Variants in GPC6 observed in about 807,000 individuals in gnomAD.
The protein encoded by GPC6 is glypican-6.
Under a neutral mutation model 55.2 loss-of-function variants are expected in GPC6, and 14 were observed. The observed-to-expected ratio is 0.25, with a 90% CI of 0.17 to 0.40. The LOEUF (loss-of-function observed/expected upper bound fraction) is 0.40, where lower values mean the gene tolerates loss of function less well. GPC6 is among the 10% of genes least tolerant of loss of function. The pLI, the probability that GPC6 is intolerant of heterozygous loss-of-function variation, is 1.00. For synonymous variants in GPC6, 278 were observed against 259.6 expected, an observed-to-expected ratio of 1.07 and a Z score of -0.68; for missense variants, 641 against 708.5, an observed-to-expected ratio of 0.90 and a Z score of 1.08.
At chr13:93,630,321 G>T (rs774051335) in intron 2 of GPC6, among the ~76,000 whole-genome samples, 2 of 152,164 alleles carry the variant, frequency 1.3e-5, no homozygotes, top group Non-Finnish European at 2.9e-5. Flanking sequence ...AGTGCTGCTC[G>T]CTAGTTCTAG....
chr13:93,809,972 C>T (rs547692377), intron 2 of GPC6, among the ~76,000 whole-genome samples: 45 of 152,152 alleles, frequency 3.0e-4, no homozygotes, highest in South Asian at 6.2e-4. Flanking sequence ...GGGAAGGACT[C>T]GGCATAGACA....
chr13:93,526,945 C>A (rs2139407589), intron 1 of GPC6, among the ~76,000 whole-genome samples: 1 of 152,096 alleles, frequency 6.6e-6, no homozygotes, highest in South Asian at 2.1e-4. Flanking sequence ...AGTCTAAGAA[C>A]TTTATCCCAA....
intron 1 of GPC6, among the ~76,000 whole-genome samples, chr13:93,315,759 A>AT (rs66531055): frequency 0.58 from 86,657 of 150,460 alleles, 25,188 homozygotes; most frequent in East Asian, 0.77. Flanking sequence ...GTTTTCTTCA[A>AT]TTTTTTTTTA....
intron 7 of GPC6, among the ~76,000 whole-genome samples, chr13:94,389,176 A>T (rs768577633): frequency 2.5e-4 from 38 of 152,196 alleles, no homozygotes; most frequent in Non-Finnish European, 3.7e-4. Flanking sequence ...TACAGAGGAA[A>T]ATCGATAATA....
intron 4 of GPC6, among the ~76,000 whole-genome samples, chr13:94,251,531 A>C (rs888927123): frequency 1.3e-5 from 2 of 152,012 alleles, no homozygotes; most frequent in Non-Finnish European, 2.9e-5. Flanking sequence ...AAGCCCCCAA[A>C]TCCCAGAACT....
intron 2 of GPC6, among the ~76,000 whole-genome samples, chr13:93,743,800 A>G (rs1401642840): frequency 2.0e-5 from 3 of 152,068 alleles, no homozygotes; most frequent in African/African-American, 7.2e-5. Flanking sequence ...TACTATTTTG[A>G]CCAATATTTA....
intron 2 of GPC6, among the ~76,000 whole-genome samples, chr13:93,806,304 T>C (rs976167335): frequency 6.6e-6 from 1 of 152,078 alleles, no homozygotes; most frequent in Non-Finnish European, 1.5e-5. Flanking sequence ...GGGGACAACG[T>C]ATAATTTTTT....
intron 2 of GPC6, among the ~76,000 whole-genome samples, chr13:93,776,683 TAGA>T (rs1885480487): frequency 6.6e-6 from 1 of 152,244 alleles, no homozygotes; most frequent in Non-Finnish European, 1.5e-5. Flanking sequence ...TTGGCTTCAC[TAGA>T]AGAAGTTTGG....
chr13:93,959,536 A>G (rs1879672235), intron 3 of GPC6, among the ~76,000 whole-genome samples: 1 of 152,204 alleles, frequency 6.6e-6, no homozygotes, highest in African/African-American at 2.4e-5. Flanking sequence ...GTCGAACAGA[A>G]GTGGCGCATA....
At chr13:93,555,335 G>T (rs926740570) in intron 2 of GPC6, among the ~76,000 whole-genome samples, 1 of 152,078 alleles carries the variant, frequency 6.6e-6, no homozygotes, top group African/African-American at 2.4e-5. Flanking sequence ...CAGAGATTAG[G>T]TCTCCTCTTT....
chr13:94,395,274 G>T (rs1323625), intron 7 of GPC6, among the ~76,000 whole-genome samples: 100,630 of 152,036 alleles, frequency 0.66, 33,797 homozygotes, highest in African/African-American at 0.76. Flanking sequence ...ATGAGATATA[G>T]TAAAAGGCAG....
chr13:93,799,990 C>T (rs539941000), intron 2 of GPC6, among the ~76,000 whole-genome samples: 1 of 148,664 alleles, frequency 6.7e-6, no homozygotes, highest in East Asian at 2.0e-4. Context: ...AGACAGACAT[C>T]ATCCTTCAAC....
intron 1 of GPC6, among the ~76,000 whole-genome samples, chr13:93,342,886 G>A (rs1014029743): frequency 1.3e-5 from 2 of 152,154 alleles, no homozygotes; most frequent in Non-Finnish European, 2.9e-5. Flanking sequence ...GGACATTGGA[G>A]TTTATGATAT....
At chr13:94,161,902 AG>A (rs1271223251) in intron 4 of GPC6, among the ~76,000 whole-genome samples, 2 of 152,132 alleles carry the variant, frequency 1.3e-5, no homozygotes, top group Non-Finnish European at 2.9e-5. Flanking sequence ...GGAGGAGCAA[AG>A]GCATGTCTTA....
intron 3 of GPC6, among the ~76,000 whole-genome samples, chr13:93,876,514 C>A (rs979010396): frequency 6.6e-6 from 1 of 151,958 alleles, no homozygotes. Context: ...ATAGAGGGCA[C>A]GGAATACTTT....
At chr13:93,610,798 C>T (rs1878429639) in intron 2 of GPC6, among the ~76,000 whole-genome samples, 1 of 151,788 alleles carries the variant, frequency 6.6e-6, no homozygotes, top group African/African-American at 2.4e-5. Flanking sequence ...TTTTCTATTT[C>T]ATTTAAAAAA....
intron 2 of GPC6, among the ~76,000 whole-genome samples, chr13:93,585,536 A>T (rs1877153019): frequency 1.3e-5 from 2 of 152,200 alleles, no homozygotes; most frequent in Non-Finnish European, 2.9e-5. Flanking sequence ...TAGAAACCTA[A>T]TAATAAAGTA....
At chr13:94,384,859 C>G (rs1880332625) in intron 7 of GPC6, among the ~76,000 whole-genome samples, 1 of 152,228 alleles carries the variant, frequency 6.6e-6, no homozygotes, top group East Asian at 1.9e-4. Context: ...TGAGACAGAT[C>G]CTAAGTGCTA....
intron 1 of GPC6, among the ~76,000 whole-genome samples, chr13:93,537,441 C>T (rs1158091624): frequency 6.6e-6 from 1 of 151,984 alleles, no homozygotes; most frequent in Non-Finnish European, 1.5e-5. Context: ...ATGAATTATT[C>T]TTTGTGGACA....
Sources: gnomAD v4.1 joint callset for allele counts (sites outside exome capture counted in the v4.1 genomes callset) on GRCh38, gnomAD v4.1.1 for gene constraint, MANE v1.5 for transcripts, NCBI Gene and HGNC (gene_info 2026-07-23, HGNC 2026-07-21) for gene names.